Variants in FHL5 observed in about 807,000 individuals in gnomAD.
The protein encoded by FHL5 is four and a half LIM domains 5.
Under a neutral mutation model 32.0 loss-of-function variants are expected in FHL5, and 33 were observed. That is an observed-to-expected ratio of 1.03 (90% CI 0.78 to 1.38). The LOEUF is 1.38. Among genes scored for constraint, FHL5 ranks in the 40% most tolerant of loss-of-function variants. The probability of loss-of-function intolerance (pLI) is 0.00; values close to 1 mark genes in which losing one functional copy is unlikely to be tolerated. For missense variants in FHL5, 336 were observed against 343.9 expected, an observed-to-expected ratio of 0.98 and a Z score of 0.18; for synonymous variants, 114 against 113.6, an observed-to-expected ratio of 1.00 and a Z score of -0.02.
chr6:96,567,293 G>C (rs897300418), intron 1 of FHL5, among the ~76,000 whole-genome samples: 4 of 151,772 alleles, frequency 2.6e-5, no homozygotes, highest in African/African-American at 9.7e-5. Context: ...AAATCATTTG[G>C]CTGTAAATAT....
chr6:96,574,614 G>A (rs1001622364), intron 1 of FHL5, among the ~76,000 whole-genome samples: 1 of 152,176 alleles, frequency 6.6e-6, no homozygotes, highest in Non-Finnish European at 1.5e-5. Flanking sequence ...GATCTCTACT[G>A]TAGAGCCTGA....
chr6:96,567,825 C>CTTTTTTTTTTTTTTTTTTTTTT (rs757441385), intron 1 of FHL5, among the ~76,000 whole-genome samples: 2 of 110,536 alleles, frequency 1.8e-5, no homozygotes, highest in African/African-American at 3.5e-5. Context: ...TTTTTGTATT[C>CTTTTTTTTTTTTTTTTTTTTTT]TTTTTTTTTT....
intron 1 of FHL5, among the ~76,000 whole-genome samples, chr6:96,576,042 T>A (rs1187249363): frequency 6.6e-6 from 1 of 152,212 alleles, no homozygotes; most frequent in Non-Finnish European, 1.5e-5. Flanking sequence ...CCCCTGCTCA[T>A]GCTAAGTCAC....
chr6:96,589,646 G>GT (rs1008196106), intron 1 of FHL5, among the ~76,000 whole-genome samples: 2 of 151,812 alleles, frequency 1.3e-5, no homozygotes, highest in African/African-American at 4.8e-5. Context: ...TCTTATTTGT[G>GT]TTTTTTGAGA....
At chr6:96,578,113 T>C (rs1282462350) in intron 1 of FHL5, among the ~76,000 whole-genome samples, 1 of 152,186 alleles carries the variant, frequency 6.6e-6, no homozygotes, top group African/African-American at 2.4e-5. Context: ...ACAAAATGAC[T>C]GCAGCATTAA....
intron 1 of FHL5, among the ~76,000 whole-genome samples, chr6:96,601,625 G>A (rs1771151084): frequency 6.6e-6 from 1 of 152,150 alleles, no homozygotes; most frequent in Non-Finnish European, 1.5e-5. Context: ...CAAAATGGCA[G>A]TAGACTGCAG....
At position 96,617,267 on chromosome 6, in the gene FHL5, T is replaced by C. The variant is rs1771542726; in HGVS notation, c.*1495T>C. On this transcript the variant is annotated 3_prime_UTR_variant, in exon 6 of 6. Transcript: ENST00000450218. ...AGGAGAAGAAGCCCACATAGATATA[T>C]AACTGTCTTCTCTCAGATTACACAT... Among the ~76,000 whole-genome samples, 1 of 152,212 alleles carries C rather than the reference T, an allele frequency of 6.6e-6. No homozygotes were observed. The highest frequency in any genetic ancestry group is 2.4e-5 in the African/African-American group (1 of 41,456).
intron 1 of FHL5, among the ~76,000 whole-genome samples, chr6:96,586,746 AG>A (rs2127965259): frequency 6.6e-6 from 1 of 152,302 alleles, no homozygotes; most frequent in Admixed American, 6.5e-5. Flanking sequence ...CAGAAACAAT[AG>A]CCAACACCAT....
rs1224437894 is a variant in FHL5 at position 96,563,315 on chromosome 6, C to T, written c.-53C>T. The T allele has an allele frequency of 6.6e-6, 1 of 152,128 alleles. No individual in the cohort carries two copies. The highest frequency in any genetic ancestry group is 1.5e-5 in the Non-Finnish European group (1 of 68,040). The allele number at this position is 152,128 out of a possible 1,614,324, so 9.4% of individuals were successfully genotyped here. A position where few individuals can be genotyped will look rare whatever the true frequency, so the allele number is the denominator to read the frequency against. The stretch of plus-strand genomic sequence containing the variant: ...AAATAATCAACATATATTCTCCTTT[C>T]GTACTGTTTAAATCACAGGAAGAAG... On this transcript the variant is annotated 5_prime_UTR_variant, in exon 1 of 6. Coordinates refer to ENST00000450218, the MANE Select transcript of FHL5 (RefSeq NM_001322466.2).
At chr6:96,596,405 T>G (rs965366465) in intron 1 of FHL5, among the ~76,000 whole-genome samples, 1 of 152,070 alleles carries the variant, frequency 6.6e-6, no homozygotes. Context: ...CTCTGAAATC[T>G]GACATCAGAC....
intron 1 of FHL5, among the ~76,000 whole-genome samples, chr6:96,592,359 G>T (rs1021799044): frequency 6.6e-6 from 1 of 152,156 alleles, no homozygotes; most frequent in East Asian, 1.9e-4. Flanking sequence ...AGAGAAATAC[G>T]GCTCTGTTCC....
chr6:96,568,470 G>T (rs896128542), intron 1 of FHL5, among the ~76,000 whole-genome samples: 1 of 151,698 alleles, frequency 6.6e-6, no homozygotes. Flanking sequence ...AGGTAACACT[G>T]GCCTCATAGA....
At chr6:96,573,806 C>A (rs1165011094) in intron 1 of FHL5, among the ~76,000 whole-genome samples, 1 of 151,880 alleles carries the variant, frequency 6.6e-6, no homozygotes, top group Non-Finnish European at 1.5e-5. Context: ...CAGGCATGAA[C>A]CACCGCGTCT....
At chr6:96,588,598 A>T (rs1019846822) in intron 1 of FHL5, among the ~76,000 whole-genome samples, 1 of 152,178 alleles carries the variant, frequency 6.6e-6, no homozygotes, top group African/African-American at 2.4e-5. Context: ...TGTTGAACAG[A>T]TCTATTTAAA....
chr6:96,570,199 G>A (rs1046547284), intron 1 of FHL5, among the ~76,000 whole-genome samples: 12 of 152,016 alleles, frequency 7.9e-5, no homozygotes, highest in African/African-American at 2.2e-4. Context: ...TGCTTACCTC[G>A]AGAAGGCTTT....
chr6:96,602,736 T>C (rs1771181552), intron 1 of FHL5, among the ~76,000 whole-genome samples: 1 of 152,188 alleles, frequency 6.6e-6, no homozygotes, highest in Non-Finnish European at 1.5e-5. Context: ...ATTTTATCCA[T>C]AGCTATAATG....
chr6:96,596,755 G>T (rs1253451824), intron 1 of FHL5, among the ~76,000 whole-genome samples: 1 of 151,920 alleles, frequency 6.6e-6, no homozygotes, highest in South Asian at 2.1e-4. Flanking sequence ...ATGACATTTT[G>T]ATGCCTAGTA....
At chr6:96,575,737 T>C (rs1001030630) in intron 1 of FHL5, among the ~76,000 whole-genome samples, 4 of 152,190 alleles carry the variant, frequency 2.6e-5, no homozygotes, top group Non-Finnish European at 5.9e-5. Context: ...TCTCTTACGA[T>C]CTTTAACTCA....
At chr6:96,607,729 T>A (rs1326080450) in intron 4 of FHL5, among the ~76,000 whole-genome samples, 1 of 151,606 alleles carries the variant, frequency 6.6e-6, no homozygotes, top group Non-Finnish European at 1.5e-5. Context: ...ACGTCTGTAA[T>A]CCCAACACTT....
Sources: gnomAD v4.1 joint callset for allele counts (sites outside exome capture counted in the v4.1 genomes callset) on GRCh38, gnomAD v4.1.1 for gene constraint, MANE v1.5 for transcripts, NCBI Gene and HGNC (gene_info 2026-07-23, HGNC 2026-07-21) for gene names.